CA10: variants seen among roughly 807,000 people sequenced by gnomAD.
The protein encoded by CA10 is carbonic anhydrase 10 (inactive).
In CA10, 14 loss-of-function variants were observed where a neutral mutation model predicts 44.2. That is an observed-to-expected ratio of 0.32 (90% confidence interval 0.21 to 0.50). CA10 has a LOEUF of 0.50. Among genes scored for constraint, CA10 ranks in the 20% least tolerant of loss-of-function variants. The probability of loss-of-function intolerance (pLI) is 0.99; values close to 1 mark genes in which losing one functional copy is unlikely to be tolerated. For synonymous variants in CA10, 159 were observed against 141.6 expected (o/e 1.12, Z -0.87); for missense variants, 350 against 409.7 (o/e 0.85, Z 1.26).
intron 1 of CA10, among the ~76,000 whole-genome samples, chr17:52,120,292 T>C (rs577326146): frequency 1.3e-5 from 2 of 152,292 alleles, no homozygotes; most frequent in South Asian, 4.1e-4. Context: ...CACCGGAGCC[T>C]TTGATGATCA....
chr17:52,082,742 T>G (rs1988016520), intron 1 of CA10, among the ~76,000 whole-genome samples: 1 of 152,196 alleles, frequency 6.6e-6, no homozygotes, highest in Non-Finnish European at 1.5e-5. Flanking sequence ...CATAATAAAA[T>G]AATGCTAACC....
At chr17:51,692,419 CTATCTATT>C (rs1233238682) in intron 4 of CA10, among the ~76,000 whole-genome samples, 3 of 105,234 alleles carry the variant, frequency 2.9e-5, no homozygotes, top group South Asian at 3.1e-4. Flanking sequence ...ATCTATCTAT[CTATCTATT>C]TTACCATTTA....
intron 1 of CA10, among the ~76,000 whole-genome samples, chr17:52,082,350 A>T (rs1044954989): frequency 9.2e-5 from 14 of 152,202 alleles, no homozygotes; most frequent in African/African-American, 3.4e-4. Flanking sequence ...GGACAAAAAG[A>T]TTACCTCTAA....
At chr17:51,858,055 A>T (rs1979132273) in intron 3 of CA10, among the ~76,000 whole-genome samples, 3 of 152,098 alleles carry the variant, frequency 2.0e-5, no homozygotes, top group African/African-American at 7.2e-5. Context: ...AACTATAACT[A>T]TATTATTATG....
chr17:52,084,862 C>A (rs1346301101), intron 1 of CA10, among the ~76,000 whole-genome samples: 1 of 152,108 alleles, frequency 6.6e-6, no homozygotes, highest in Non-Finnish European at 1.5e-5. Flanking sequence ...TGAATAAGTT[C>A]TGGTTAATGA....
chr17:51,940,871 A>G (rs1354154120), intron 2 of CA10, among the ~76,000 whole-genome samples: 1 of 152,108 alleles, frequency 6.6e-6, no homozygotes, highest in African/African-American at 2.4e-5. Flanking sequence ...TCATAAGAGG[A>G]CACACTTTGC....
intron 2 of CA10, among the ~76,000 whole-genome samples, chr17:51,986,485 A>G (rs1767282840): frequency 6.6e-6 from 1 of 152,050 alleles, no homozygotes; most frequent in Non-Finnish European, 1.5e-5. Context: ...CAAAGGCAAG[A>G]AAAGAAAAAA....
chr17:51,867,125 A>G (rs73346531), intron 3 of CA10, among the ~76,000 whole-genome samples: 4,945 of 152,296 alleles, frequency 0.032, 254 homozygotes, highest in African/African-American at 0.11. Context: ...CCATTTCAGT[A>G]AGAAATGAGG....
intron 3 of CA10, among the ~76,000 whole-genome samples, chr17:51,908,680 C>T (rs1380258659): frequency 6.6e-6 from 1 of 152,142 alleles, no homozygotes; most frequent in Non-Finnish European, 1.5e-5. Context: ...CACATTCATT[C>T]CTGACTACTG....
chr17:52,155,445 T>C (rs1046632974), intron 1 of CA10, among the ~76,000 whole-genome samples: 3 of 152,102 alleles, frequency 2.0e-5, no homozygotes, highest in Admixed American at 6.6e-5. Context: ...TTCCTATACA[T>C]CCTAAGGCTG....
At chr17:51,867,219 A>G (rs1230703223) in intron 3 of CA10, among the ~76,000 whole-genome samples, 11 of 152,208 alleles carry the variant, frequency 7.2e-5, no homozygotes, top group Non-Finnish European at 1.5e-5. Flanking sequence ...TAATTGCAGT[A>G]AGTAAGATGC....
At chr17:51,715,710 A>G (rs1404133128) in intron 4 of CA10, among the ~76,000 whole-genome samples, 1 of 150,964 alleles carries the variant, frequency 6.6e-6, no homozygotes, top group Non-Finnish European at 1.5e-5. Context: ...TTTTTTTTTC[A>G]GACGGAGTCT....
chr17:52,115,277 G>A (rs1028075981), intron 1 of CA10, among the ~76,000 whole-genome samples: 1 of 152,190 alleles, frequency 6.6e-6, no homozygotes, highest in African/African-American at 2.4e-5. Flanking sequence ...GTGTCTGTGT[G>A]CCTAATTTTT....
rs1159970700 is a variant in CA10, at chr17:51,630,533, G to A, written c.*1051C>T. On this transcript the variant is annotated 3_prime_UTR_variant, in exon 9 of 9. Coordinates refer to ENST00000451037, the MANE Select transcript of CA10 (RefSeq NM_020178.5). ...GCATGGCAGTTTTGAAACGCAAGAA[G>A]TCTGTCGCCTGCTATCTCAGGCTGA... 1 of 152,764 alleles carries A rather than the reference G, an allele frequency of 6.5e-6. No homozygotes were observed. Among genetic ancestry groups the A allele is most frequent in the South Asian group, 2.1e-4 (1 of 4,826 alleles). 9.5% of individuals were successfully genotyped at this position (152,764 alleles called of 1,614,324 possible). A position where few individuals can be genotyped will look rare whatever the true frequency, so the allele number is the denominator to read the frequency against.
intron 2 of CA10, among the ~76,000 whole-genome samples, chr17:51,968,702 T>G (rs1400681622): frequency 1.3e-5 from 2 of 151,942 alleles, no homozygotes; most frequent in African/African-American, 4.8e-5. Flanking sequence ...GAGTGAATTT[T>G]ATTGTACATA....
intron 4 of CA10, among the ~76,000 whole-genome samples, chr17:51,684,018 A>G (rs532522455): frequency 6.6e-6 from 1 of 152,358 alleles, no homozygotes; most frequent in South Asian, 2.1e-4. Flanking sequence ...GTTGCCTTAC[A>G]TGGAAAAATA....
intron 1 of CA10, among the ~76,000 whole-genome samples, chr17:52,097,009 T>C (rs1429690181): frequency 6.6e-6 from 1 of 152,220 alleles, no homozygotes; most frequent in Non-Finnish European, 1.5e-5. Context: ...TACAAATAAA[T>C]AGCTGGATCC....
intron 1 of CA10, among the ~76,000 whole-genome samples, chr17:52,119,760 T>G (rs1988972773): frequency 6.6e-6 from 1 of 152,220 alleles, no homozygotes; most frequent in Admixed American, 6.5e-5. Context: ...CCCATCATGA[T>G]TTCTTTTTGA....
At chr17:51,673,974 C>T (rs537597516) in intron 4 of CA10, among the ~76,000 whole-genome samples, 19 of 152,318 alleles carry the variant, frequency 1.2e-4, no homozygotes, top group Admixed American at 1.1e-3. Context: ...GTCCTTCCCC[C>T]CCAGGTTCAT....
Sources: gnomAD v4.1 joint callset for allele counts (sites outside exome capture counted in the v4.1 genomes callset) on GRCh38, gnomAD v4.1.1 for gene constraint, MANE v1.5 for transcripts, NCBI Gene and HGNC (gene_info 2026-07-23, HGNC 2026-07-21) for gene names.